FBXW8: variants seen among roughly 807,000 people sequenced by gnomAD.
FBXW8 encodes the protein F-box/WD repeat-containing protein 8.
FBXW8 carries 57 observed loss-of-function variants against 65.3 expected under a neutral mutation model. That is an observed-to-expected ratio of 0.87 (90% CI 0.71 to 1.09). The LOEUF (loss-of-function observed/expected upper bound fraction) is 1.09. Among genes scored for constraint, FBXW8 ranks in the 50% least tolerant of loss-of-function variants. The pLI is 0.00. For missense variants in FBXW8, 777 were observed against 814.8 expected, an observed-to-expected ratio of 0.95 and a Z score of 0.57; for synonymous variants, 308 against 330.2, an observed-to-expected ratio of 0.93 and a Z score of 0.73.
At chr12:117,000,074 C>T (rs545714232) in intron 7 of FBXW8, among the ~76,000 whole-genome samples, 4 of 152,082 alleles carry the variant, frequency 2.6e-5, no homozygotes, top group Non-Finnish European at 2.9e-5. Flanking sequence ...CTCCGCCTCC[C>T]GGGTTCTCGC....
chr12:116,985,752 A>G (rs945706389), intron 6 of FBXW8: 4 of 195,854 alleles, frequency 2.0e-5, no homozygotes, highest in African/African-American at 4.6e-5. Context: ...ATCAAAGATC[A>G]GTTTGACCTA....
intron 5 of FBXW8, 139 bp downstream of exon 5, chr12:116,964,993 T>C: frequency 1.2e-6 from 1 of 835,170 alleles, no homozygotes; most frequent in African/African-American, 1.7e-5. Context: ...ATACACTCAC[T>C]CTTGCTTTTA....
At chr12:116,939,936 G>T (rs1565905460) in intron 2 of FBXW8, among the ~76,000 whole-genome samples, 1 of 152,150 alleles carries the variant, frequency 6.6e-6, no homozygotes, top group Non-Finnish European at 1.5e-5. Flanking sequence ...GGGTGTCATG[G>T]GTAGGCTCAG....
intron 5 of FBXW8, among the ~76,000 whole-genome samples, chr12:116,973,951 C>A (rs1382658108): frequency 6.6e-6 from 1 of 152,174 alleles, no homozygotes; most frequent in African/African-American, 2.4e-5. Flanking sequence ...GAAAACCGGA[C>A]AAAATATATT....
At chr12:116,997,008 T>C (rs965544012) in intron 7 of FBXW8, among the ~76,000 whole-genome samples, 12 of 152,180 alleles carry the variant, frequency 7.9e-5, no homozygotes, top group African/African-American at 2.9e-4. Flanking sequence ...GAAAATCATG[T>C]AGATAAATAA....
intron 8 of FBXW8, among the ~76,000 whole-genome samples, chr12:117,018,981 C>A (rs1485171290): frequency 6.6e-6 from 1 of 152,190 alleles, no homozygotes. Context: ...CACTTCCGCT[C>A]CCCCTTTCCC....
chr12:116,996,512 C>CAA (rs11387995), intron 7 of FBXW8, among the ~76,000 whole-genome samples: 82 of 147,562 alleles, frequency 5.6e-4, no homozygotes, highest in Non-Finnish European at 7.0e-4. Flanking sequence ...GTCCAGAGAA[C>CAA]AAAAAAAAAA....
At chr12:116,942,846 C>T (rs1386156145) in intron 2 of FBXW8, among the ~76,000 whole-genome samples, 4 of 118,178 alleles carry the variant, frequency 3.4e-5, no homozygotes, top group East Asian at 2.7e-4. Context: ...GGTGTGATCT[C>T]GGCTCACTGC....
intron 1 of FBXW8, among the ~76,000 whole-genome samples, chr12:116,917,808 C>T (rs778856533): frequency 2.6e-5 from 4 of 151,946 alleles, no homozygotes; most frequent in African/African-American, 9.7e-5. Flanking sequence ...CTGGCTAAGA[C>T]GGTGAAACCC....
At position 116,928,105 on chromosome 12, in the gene FBXW8, A is replaced by G. The variant is rs1319835455; in HGVS notation, c.401A>G (p.Lys134Arg). Residue 134 changes from lysine (K) to arginine (R), a missense_variant, in exon 2 of 11, where the codon AAA becomes AGA. Lys to Arg is a conservative substitution (Grantham distance 26, BLOSUM62 2). Coordinates refer to ENST00000652555, the MANE Select transcript of FBXW8 (RefSeq NM_153348.3). ...AATATATTTCAGTATCTGGACAGGA[A>G]AGAACTAGGAAGATGTGCACAGGTA... The part of the protein sequence containing the change: ...AINIFQYLDR[K>R]ELGRCAQVSK... 1 of 1,607,896 alleles carries G rather than the reference A, an allele frequency of 6.2e-7. No homozygotes were observed.
intron 2 of FBXW8, among the ~76,000 whole-genome samples, chr12:116,932,794 A>G (rs953633204): frequency 6.6e-6 from 1 of 152,206 alleles, no homozygotes; most frequent in African/African-American, 2.4e-5. Flanking sequence ...GGCCTCCCAA[A>G]GTGCTGGGAT....
At chr12:116,976,495 G>T (rs1473710573) in intron 5 of FBXW8, among the ~76,000 whole-genome samples, 3 of 109,158 alleles carry the variant, frequency 2.7e-5, no homozygotes, top group Non-Finnish European at 5.1e-5. Flanking sequence ...TCACTCTGTT[G>T]CCCAGGCTGG....
chr12:117,024,267 G>T lies in FBXW8; in HGVS notation c.1488G>T (p.Leu496=). 1 of 1,614,162 alleles carries T rather than the reference G, an allele frequency of 6.2e-7. No homozygotes were observed. The highest frequency in any genetic ancestry group is 1.1e-5 in the South Asian group (1 of 91,080). The change falls in exon 9 of 11, where the codon CTG becomes CTT. Residue 496 remains leucine (L), a synonymous_variant. Transcript: ENST00000652555. ...WKIVSGGEEG[L]VSVWDYRMNQ... The stretch of plus-strand genomic sequence containing the variant: ...TCGTCAGTGGAGGCGAGGAAGGCCT[G>T]GTGTCCGTGTGGGATTATCGGATGA...
At chr12:116,932,254 C>T (rs546026603) in intron 2 of FBXW8, among the ~76,000 whole-genome samples, 3 of 152,168 alleles carry the variant, frequency 2.0e-5, no homozygotes, top group Non-Finnish European at 4.4e-5. Flanking sequence ...TTCTCCATAA[C>T]TGCCAAAAAA....
At chr12:116,922,410 T>C (rs944915275) in intron 1 of FBXW8, among the ~76,000 whole-genome samples, 23 of 152,222 alleles carry the variant, frequency 1.5e-4, no homozygotes, top group African/African-American at 5.1e-4. Context: ...AAAAATGTTA[T>C]TGCAAATCTC....
At chr12:117,021,802 C>T (rs1277686641) in intron 8 of FBXW8, among the ~76,000 whole-genome samples, 1 of 152,042 alleles carries the variant, frequency 6.6e-6, no homozygotes, top group Non-Finnish European at 1.5e-5. Context: ...TTTTAAAAAG[C>T]GATGTGAAGT....
At chr12:116,984,010 C>T (rs1885498187) in intron 5 of FBXW8, among the ~76,000 whole-genome samples, 2 of 152,310 alleles carry the variant, frequency 1.3e-5, no homozygotes, top group South Asian at 2.1e-4. Flanking sequence ...CTGTTATCTC[C>T]ACACATTTAT....
At chr12:116,972,163 A>G (rs1329701590) in intron 5 of FBXW8, among the ~76,000 whole-genome samples, 1 of 152,250 alleles carries the variant, frequency 6.6e-6, no homozygotes, top group Admixed American at 6.5e-5. Context: ...AGATGCATAA[A>G]TTCACAGTAG....
chr12:117,011,946 C>T (rs1035986285), intron 8 of FBXW8, among the ~76,000 whole-genome samples: 1 of 152,118 alleles, frequency 6.6e-6, no homozygotes, highest in African/African-American at 2.4e-5. Flanking sequence ...CATAATGAAG[C>T]GATGTGTAGG....
Sources: gnomAD v4.1 joint callset for allele counts (sites outside exome capture counted in the v4.1 genomes callset) on GRCh38, gnomAD v4.1.1 for gene constraint, MANE v1.5 for transcripts, NCBI Gene and HGNC (gene_info 2026-07-23, HGNC 2026-07-21) for gene names.